Variants in COLEC12 observed in about 807,000 individuals in gnomAD.
COLEC12 encodes the protein collectin subfamily member 12.
In COLEC12, 33 loss-of-function variants were observed where a neutral mutation model predicts 71.1. The observed-to-expected ratio is 0.46, with a 90% CI of 0.35 to 0.62. The LOEUF is 0.62. Ranked by LOEUF, COLEC12 falls within the 20% of genes least tolerant of loss-of-function variation. COLEC12 has a pLI of 0.00. For missense variants in COLEC12, 765 were observed against 916.1 expected (o/e 0.84, Z 2.13); for synonymous variants, 350 against 353.0 (o/e 0.99, Z 0.10).
chr18:384,263 C>T (rs956861626), intron 2 of COLEC12, among the ~76,000 whole-genome samples: 10 of 152,028 alleles, frequency 6.6e-5, no homozygotes, highest in Non-Finnish European at 1.5e-5. Context: ...AGTGTGCAGC[C>T]AAGGTTGAGA....
intron 1 of COLEC12, among the ~76,000 whole-genome samples, chr18:488,945 A>C (rs557824729): frequency 3.4e-4 from 52 of 152,268 alleles, no homozygotes; most frequent in African/African-American, 1.2e-3. Context: ...TGTTTCCCGG[A>C]AAAAGAACAG....
intron 2 of COLEC12, among the ~76,000 whole-genome samples, chr18:453,718 T>A (rs1347525366): frequency 6.6e-6 from 1 of 152,236 alleles, no homozygotes; most frequent in Non-Finnish European, 1.5e-5. Context: ...AGATCCAGAC[T>A]CATGCAATTA....
chr18:328,633 A>C (rs1015980821), intron 8 of COLEC12, among the ~76,000 whole-genome samples: 1 of 152,232 alleles, frequency 6.6e-6, no homozygotes, highest in Non-Finnish European at 1.5e-5. Flanking sequence ...AATGCTTTGC[A>C]TACAGCTATC....
intron 2 of COLEC12, among the ~76,000 whole-genome samples, chr18:400,763 A>T (rs1475979733): frequency 6.6e-6 from 1 of 152,230 alleles, no homozygotes; most frequent in Non-Finnish European, 1.5e-5. Context: ...ATGCAATGGA[A>T]GGTGTGACTG....
chr18:339,738 CAT>C, intron 5 of COLEC12, among the ~76,000 whole-genome samples: 1 of 152,152 alleles, frequency 6.6e-6, no homozygotes, highest in East Asian at 1.9e-4. Context: ...TAGGTCAAAA[CAT>C]ATTCTATGTG....
chr18:479,017 G>A (rs1917358217), intron 2 of COLEC12, among the ~76,000 whole-genome samples: 1 of 151,280 alleles, frequency 6.6e-6, no homozygotes, highest in Non-Finnish European at 1.5e-5. Context: ...TTTCTAAAGA[G>A]ACTTTCTCTC....
intron 2 of COLEC12, among the ~76,000 whole-genome samples, chr18:448,271 A>C (rs1916691927): frequency 6.6e-6 from 1 of 152,186 alleles, no homozygotes; most frequent in Non-Finnish European, 1.5e-5. Flanking sequence ...TGAATAGATA[A>C]AACATGACTC....
rs149787481 is a variant in COLEC12, at chr18:327,744, G to A, written c.2063+3924C>T. Among the ~76,000 whole-genome samples the A allele has an allele frequency of 9.2e-4, 140 of 152,342 alleles. 1 individual carries two copies. The highest frequency in any genetic ancestry group is 3.3e-3 in the African/African-American group (137 of 41,576). On this transcript the variant is annotated intron_variant, in intron 8 of 9. Coordinates refer to ENST00000400256, the MANE Select transcript of COLEC12 (RefSeq NM_130386.3). This position sits in a 1 kb window ranked among gnomAD's most constrained non-coding sequence, Gnocchi z 4.0. ...AAACTGTTTTAAAAGGATTTCACGCGTGTTGGGAGAAAAGAATAAGGGGAA... is the reference window on the plus strand; with the variant it reads ...AAACTGTTTTAAAAGGATTTCACGCATGTTGGGAGAAAAGAATAAGGGGAA...
At chr18:498,792 A>G (rs1917763034) in intron 1 of COLEC12, among the ~76,000 whole-genome samples, 1 of 152,210 alleles carries the variant, frequency 6.6e-6, no homozygotes, top group Non-Finnish European at 1.5e-5. Flanking sequence ...GCTAGACCAC[A>G]GCGGGTAGGC....
At chr18:428,366 A>G (rs1916238120) in intron 2 of COLEC12, among the ~76,000 whole-genome samples, 1 of 152,232 alleles carries the variant, frequency 6.6e-6, no homozygotes, top group African/African-American at 2.4e-5. Context: ...TTAAAACAGA[A>G]AAAGTCCTTG....
chr18:370,030 C>T (rs565015937), intron 2 of COLEC12, among the ~76,000 whole-genome samples: 1 of 152,224 alleles, frequency 6.6e-6, no homozygotes, highest in Admixed American at 6.5e-5. Context: ...GAAAAAAATA[C>T]AAGAGTTCAG....
chr18:384,922 C>T (rs1456430968), intron 2 of COLEC12, among the ~76,000 whole-genome samples: 1 of 152,208 alleles, frequency 6.6e-6, no homozygotes, highest in Non-Finnish European at 1.5e-5. Flanking sequence ...GAAGTTCTTT[C>T]CATATCACCA....
chr18:456,873 A>T (rs1366236549), intron 2 of COLEC12, among the ~76,000 whole-genome samples: 1 of 152,058 alleles, frequency 6.6e-6, no homozygotes, highest in African/African-American at 2.4e-5. Context: ...TCCGGGTGGT[A>T]AGGAAGAGCC....
chr18:319,940 A>T lies in COLEC12; in HGVS notation c.*105T>A. 1.3e-6 allele frequency: 1 copy of T among 767,476 alleles called. No individual in the cohort carries two copies. The highest frequency in any genetic ancestry group is 2.2e-6 in the Non-Finnish European group (1 of 451,078). The allele number at this position is 767,476 out of a possible 1,614,324, so 47.5% of individuals were successfully genotyped here. A position where few individuals can be genotyped will look rare whatever the true frequency, so the allele number is the denominator to read the frequency against. On this transcript the variant is annotated 3_prime_UTR_variant, in exon 10 of 10. Coordinates refer to ENST00000400256, the MANE Select transcript of COLEC12 (RefSeq NM_130386.3). ...AATTTTTTTTCAGTAATTGGTTTTC[A>T]GTGCTTTTTTTTTTTCAATCTGATG...
chr18:410,180 T>C (rs1598354691), intron 2 of COLEC12, among the ~76,000 whole-genome samples: 1 of 152,226 alleles, frequency 6.6e-6, no homozygotes, highest in Non-Finnish European at 1.5e-5. Flanking sequence ...GGTGGTTTGG[T>C]ATCCTTCTGC....
chr18:495,418 A>G (rs1467702472), intron 1 of COLEC12, among the ~76,000 whole-genome samples: 2 of 152,188 alleles, frequency 1.3e-5, no homozygotes, highest in South Asian at 2.1e-4. Flanking sequence ...CATTTTCTCA[A>G]TGCAAACCTG....
At chr18:417,749 T>C (rs1916016324) in intron 2 of COLEC12, among the ~76,000 whole-genome samples, 1 of 150,322 alleles carries the variant, frequency 6.7e-6, no homozygotes, top group African/African-American at 2.5e-5. Context: ...GAAACACTGG[T>C]CATTGCTGTA....
intron 1 of COLEC12, among the ~76,000 whole-genome samples, chr18:481,525 T>C (rs971161552): frequency 6.6e-6 from 1 of 152,094 alleles, no homozygotes; most frequent in African/African-American, 2.4e-5. Flanking sequence ...GCCAACATGG[T>C]GAAACCCCAT....
intron 2 of COLEC12, among the ~76,000 whole-genome samples, chr18:443,908 C>T (rs1018238593): frequency 2.0e-5 from 3 of 152,056 alleles, no homozygotes; most frequent in Admixed American, 6.5e-5. Flanking sequence ...GGAGTCTCCT[C>T]CCCACTCTCT....
Sources: allele counts gnomAD v4.1 joint callset (sites outside exome capture counted in the v4.1 genomes callset), GRCh38; gene constraint gnomAD v4.1.1; non-coding constraint Gnocchi (gnomAD v3.1); transcripts MANE v1.5; gene names NCBI Gene and HGNC (gene_info 2026-07-23, HGNC 2026-07-21).